HSPBP1: variants seen among roughly 807,000 people sequenced by gnomAD.
HSPBP1 encodes the protein HSPA (Hsp70) binding protein 1.
A neutral mutation model predicts 41.7 loss-of-function variants in HSPBP1; 31 were observed. The observed-to-expected ratio is 0.74, with a 90% CI of 0.56 to 1.00. The LOEUF is 1.00. Ranked by LOEUF, HSPBP1 falls within the 50% of genes least tolerant of loss-of-function variation. HSPBP1 has a pLI of 0.00. For synonymous variants in HSPBP1, 199 were observed against 214.4 expected, an observed-to-expected ratio of 0.93 and a Z score of 0.63; for missense variants, 439 against 487.9, an observed-to-expected ratio of 0.90 and a Z score of 0.94.
Position 55,277,681 on chromosome 19 carries a change from G to T in HSPBP1, c.376C>A (p.Leu126Met). ...DQQEREGALE[L>M]LADLCENMDN... ...ATGTTCTCACACAGGTCGGCCAGCAGCTCCAGGGCCCCCTCTCGCTCTTGC... is the reference window on the plus strand; with the variant it reads ...ATGTTCTCACACAGGTCGGCCAGCATCTCCAGGGCCCCCTCTCGCTCTTGC... Residue 126 changes from leucine (L) to methionine (M), a missense_variant, in exon 3 of 8, where the codon CTG (leucine) becomes ATG (methionine). By Grantham distance (15) the Leu-to-Met change is conservative. Coordinates refer to ENST00000433386, the MANE Select transcript of HSPBP1 (RefSeq NM_012267.5). 1.9e-6 allele frequency: 3 copies of T among 1,606,456 alleles called. No individual in the cohort carries two copies. The highest frequency in any genetic ancestry group is 2.5e-6 in the Non-Finnish European group (3 of 1,177,468).
rs979178840 is a variant in HSPBP1 at position 55,268,260 on chromosome 19, G to A, written c.641-1974C>T. Among the ~76,000 whole-genome samples the A allele has an allele frequency of 6.8e-4, 103 of 152,036 alleles. No homozygotes were observed. Among genetic ancestry groups the A allele is most frequent in the African/African-American group, 2.4e-3 (99 of 41,460 alleles). Reference sequence around the variant, plus strand: ...AGCCTGACCAACATGGTGAAACCCCGTCTCTACTAAAAATACAAAATTAGC... The same window carrying A: ...AGCCTGACCAACATGGTGAAACCCCATCTCTACTAAAAATACAAAATTAGC... On this transcript the variant is annotated intron_variant, in intron 4 of 7. Transcript: ENST00000433386. The surrounding 1 kb of genome is among the most constrained non-coding windows in gnomAD (Gnocchi z 4.5).
Position 55,277,755 on chromosome 19 carries a change from G to T in HSPBP1, c.302C>A (p.Ser101Ter). 1 of 1,607,764 alleles carries T rather than the reference G, an allele frequency of 6.2e-7. No individual in the cohort carries two copies. Among genetic ancestry groups the T allele is most frequent in the Non-Finnish European group, 8.5e-7 (1 of 1,177,088 alleles). ...CCCAGCAGTGGGGGGCATGGGCTGT[G>T]ACAGCACTCGGAGGCAGCTCTTCAT... The part of the protein sequence containing the change: ...EQMKSCLRVL[S>*]QPMPPTAGEA... Residue 101 changes from serine (S) to a stop codon, truncating the protein, a stop_gained, in exon 3 of 8, where the codon TCA (serine) becomes TAA (stop). Coordinates refer to ENST00000433386, the MANE Select transcript of HSPBP1 (RefSeq NM_012267.5). LOFTEE classifies it high-confidence loss of function.
In HSPBP1 at chr19:55,274,487, A is replaced by G. The variant is rs1331048273; in HGVS notation, c.551T>C (p.Leu184Pro). 6.3e-7 allele frequency: 1 copy of G among 1,591,412 alleles called. No homozygotes were observed. Among genetic ancestry groups the G allele is most frequent in the South Asian group, 1.1e-5 (1 of 88,334 alleles). ...CAGCTTACGCAGGGCACCCAGGCCCAGCACCTGCTCCTGGATGGCTGCCAC... is the reference window on the plus strand; with the variant it reads ...CAGCTTACGCAGGGCACCCAGGCCCGGCACCTGCTCCTGGATGGCTGCCAC... ...QNVAAIQEQV[L>P]GLGALRKLLR... Residue 184 changes from leucine to proline, a missense_variant, in exon 4 of 8, where the codon CTG (leucine) becomes CCG (proline). Coordinates refer to ENST00000433386, the MANE Select transcript of HSPBP1 (RefSeq NM_012267.5).
rs768716820 is a variant in HSPBP1, at chr19:55,279,574, G to A, written c.35C>T (p.Pro12Leu). Reference protein sequence around the residue: ...SDEGSRGSRLPLALPPASQGC... With the variant: ...SDEGSRGSRLLLALPPASQGC... ...CTGGGAGGCCGGGGGCAGCGCCAGG[G>A]GCAGGCGGCTCCCCCTTGAGCCTTC... Residue 12 changes from proline to leucine, a missense_variant, in exon 2 of 8, where the codon CCC (proline) becomes CTC (leucine). Transcript: ENST00000433386. 43 of 1,601,332 alleles carry A rather than the reference G, an allele frequency of 2.7e-5. No homozygotes were observed. The highest frequency in any genetic ancestry group is 4.0e-5 in the African/African-American group (3 of 74,712).
chr19:55,273,394 G>A (rs775103167), intron 4 of HSPBP1, among the ~76,000 whole-genome samples: 17 of 152,138 alleles, frequency 1.1e-4, no homozygotes, highest in South Asian at 2.1e-4. Flanking sequence ...CAGTTGGGGC[G>A]CTAGTATAGC....
At position 55,277,739 on chromosome 19, in the gene HSPBP1, G is replaced by T. The variant is rs767262938; in HGVS notation, c.318C>A (p.Pro106=). ...CCGCCTGCTCGGCCTCCCCAGCAGT[G>T]GGGGGCATGGGCTGTGACAGCACTC... ...CLRVLSQPMP[P]TAGEAEQAAD... Residue 106 remains proline (P), a synonymous_variant, in exon 3 of 8, where the codon CCC becomes CCA. Transcript: ENST00000433386. The T allele has an allele frequency of 7.5e-6, 12 of 1,607,594 alleles. No homozygotes were observed. The highest frequency in any genetic ancestry group is 2.2e-5 in the East Asian group (1 of 44,688).
intron 7 of HSPBP1, among the ~76,000 whole-genome samples, chr19:55,263,031 T>G (rs2087686858): frequency 6.6e-6 from 1 of 152,172 alleles, no homozygotes; most frequent in South Asian, 2.1e-4. Flanking sequence ...ACTGAGAGGT[T>G]AAACTACGTA....
intron 7 of HSPBP1, among the ~76,000 whole-genome samples, chr19:55,264,751 T>C (rs2087727812): frequency 6.6e-6 from 1 of 152,174 alleles, no homozygotes; most frequent in South Asian, 2.1e-4. Flanking sequence ...TCCTGTCTCC[T>C]TGCTGTCTCT....
intron 4 of HSPBP1, 56 bp downstream of exon 4, chr19:55,274,342 C>CCCGCCCCCCCCCCCCCCCCCCCCCCCCCA: frequency 1.6e-6 from 1 of 643,974 alleles, no homozygotes; most frequent in Non-Finnish European, 2.6e-6. Context: ...GGGGGCCCAC[C>CCCGCCCCCCCCCCCCCCCCCCCCCCCCCA]CGGCACCCCC....
chr19:55,278,386 T>G (rs902446610), intron 2 of HSPBP1, among the ~76,000 whole-genome samples: 2 of 152,164 alleles, frequency 1.3e-5, no homozygotes, highest in African/African-American at 4.8e-5. Flanking sequence ...CATGCCTCAC[T>G]GTTGTAAAGG....
At chr19:55,275,086 A>T (rs1309021548) in intron 3 of HSPBP1, among the ~76,000 whole-genome samples, 1 of 152,336 alleles carries the variant, frequency 6.6e-6, no homozygotes, top group East Asian at 1.9e-4. Context: ...ACAGGGACGC[A>T]GCTCTCTCCA....
intron 3 of HSPBP1, among the ~76,000 whole-genome samples, chr19:55,275,244 C>T (rs1307901544): frequency 1.3e-5 from 2 of 152,192 alleles, no homozygotes; most frequent in East Asian, 3.9e-4. Flanking sequence ...CAGCAAACCA[C>T]AGCCCACCTC....
In HSPBP1 at chr19:55,274,470, G is replaced by A. The variant is rs760678461; in HGVS notation, c.568C>T (p.Arg190Cys). The A allele has an allele frequency of 9.4e-6, 15 of 1,589,460 alleles. No individual in the cohort carries two copies. The highest frequency in any genetic ancestry group is 2.7e-5 in the African/African-American group (2 of 74,368). Residue 190 changes from arginine to cysteine, a missense_variant, in exon 4 of 8, where the codon CGT becomes TGT. By Grantham distance (180) the Arg-to-Cys change is radical. Coordinates refer to ENST00000433386, the MANE Select transcript of HSPBP1 (RefSeq NM_012267.5). ...CGGTCCAGCAGCCGCAGCAGCTTAC[G>A]CAGGGCACCCAGGCCCAGCACCTGC... ...QEQVLGLGAL[R>C]KLLRLLDRDA...
In HSPBP1 at chr19:55,262,422, G is replaced by C; in HGVS notation, c.*186C>G. 7.1e-7 allele frequency: 1 copy of C among 1,415,280 alleles called. No individual in the cohort carries two copies. Among genetic ancestry groups the C allele is most frequent in the Non-Finnish European group, 9.2e-7 (1 of 1,086,372 alleles). 87.7% of individuals were successfully genotyped at this position (1,415,280 alleles called of 1,614,324 possible). ...AACGGGGATGAGAGTGAGAGCATGG[G>C]AGGTGGGGTCCAAGGAGCTGGTGCC... On this transcript the variant is annotated 3_prime_UTR_variant, in exon 8 of 8. Transcript: ENST00000433386.
At position 55,270,633 on chromosome 19, in the gene HSPBP1, G is replaced by A. The variant is rs570453726; in HGVS notation, c.640+3765C>T. Among the ~76,000 whole-genome samples, 5 of 152,204 alleles carry A rather than the reference G, an allele frequency of 3.3e-5. No homozygotes were observed. Among genetic ancestry groups the A allele is most frequent in the South Asian group, 2.1e-4 (1 of 4,826 alleles). Reference sequence around the variant, plus strand: ...ACAGTCAGGATGGCCTGTGCCAGCCGTGCACATCTGAGGAAACGAGATTAA... The same window carrying A: ...ACAGTCAGGATGGCCTGTGCCAGCCATGCACATCTGAGGAAACGAGATTAA... On this transcript the variant is annotated intron_variant, in intron 4 of 7. Coordinates refer to ENST00000433386, the MANE Select transcript of HSPBP1 (RefSeq NM_012267.5). The surrounding 1 kb of genome is among the most constrained non-coding windows in gnomAD (Gnocchi z 5.4).
rs1478793437 is a variant in HSPBP1, at chr19:55,279,611, GC to G, written c.-4del. 2 of 1,581,348 alleles carry G rather than the reference GC, an allele frequency of 1.3e-6. No homozygotes were observed. Among genetic ancestry groups the G allele is most frequent in the South Asian group, 2.3e-5 (2 of 88,674 alleles). On this transcript the variant is annotated 5_prime_UTR_variant, in exon 2 of 8. Transcript: ENST00000433386. ...CCCCTTGAGCCTTCGTCTGACATGG[GC>G]CGTTTGTGAAGAAGGGAAGAATGTG...
chr19:55,278,066 G>C (rs1344374518), intron 2 of HSPBP1, among the ~76,000 whole-genome samples: 1 of 152,162 alleles, frequency 6.6e-6, no homozygotes, highest in Non-Finnish European at 1.5e-5. Flanking sequence ...GGGCAACATG[G>C]TGAAACCCCG....
At chr19:55,276,495 A>T (rs1395980077) in intron 3 of HSPBP1, among the ~76,000 whole-genome samples, 1 of 152,158 alleles carries the variant, frequency 6.6e-6, no homozygotes, top group Non-Finnish European at 1.5e-5. Context: ...ATACACAGAG[A>T]GCGCACGAGG....
rs2087764479 is a variant in HSPBP1 at position 55,265,993 on chromosome 19, G to A, written c.797-11C>T. On this transcript the variant is annotated splice_polypyrimidine_tract_variant and intron_variant, in intron 5 of 7. Coordinates refer to ENST00000433386, the MANE Select transcript of HSPBP1 (RefSeq NM_012267.5). Reference sequence around the variant, plus strand: ...TGGAGCACAGGGTCCCTGGGGGGAGGGCTGCAGGGGTCAGAGGGGCAGCCC... The same window carrying A: ...TGGAGCACAGGGTCCCTGGGGGGAGAGCTGCAGGGGTCAGAGGGGCAGCCC... The A allele has an allele frequency of 2.5e-6, 4 of 1,592,498 alleles. No individual in the cohort carries two copies. In the South Asian group the frequency reaches 4.5e-5, roughly 18 times the overall value.
Sources: gnomAD v4.1 joint callset for allele counts (sites outside exome capture counted in the v4.1 genomes callset) on GRCh38, gnomAD v4.1.1 for gene constraint, Gnocchi (gnomAD v3.1) non-coding constraint, MANE v1.5 for transcripts, NCBI Gene and HGNC (gene_info 2026-07-23, HGNC 2026-07-21) for gene names.